The following USH2A variants were observed in gnomAD, a reference collection of about 807,000 sequenced individuals.
The protein encoded by USH2A is Usher syndrome 2A (autosomal recessive, mild).
A neutral mutation model predicts 538.9 loss-of-function variants in USH2A; 443 were observed. The ratio of observed to expected loss-of-function variants is 0.82; its 90% CI spans 0.76 to 0.89. The LOEUF (loss-of-function observed/expected upper bound fraction) is 0.89. USH2A is among the 40% of genes least tolerant of loss of function. USH2A has a pLI of 0.00. For missense variants in USH2A, 6,633 were observed against 6,324.8 expected (o/e 1.05, Z -1.65); for synonymous variants, 2,413 against 2,273.5 (o/e 1.06, Z -1.75).
At chr1:215,639,530 G>A (rs1656609471) in intron 68 of USH2A, among the ~76,000 whole-genome samples, 1 of 152,220 alleles carries the variant, frequency 6.6e-6, no homozygotes, top group South Asian at 2.1e-4. Context: ...AGCGCATCTT[G>A]TTCTGCACAC....
At position 216,190,379 on chromosome 1, in the gene USH2A, AAAAGAAAGAAAG is replaced by A. The variant is rs372388546; in HGVS notation, c.4252-24_4252-13del. On this transcript the variant is annotated splice_polypyrimidine_tract_variant and intron_variant, in intron 19 of 71. Transcript: ENST00000307340. ...GCAGTGTGCAACAGCTTCAAGGCAA[AAAAGAAAGAAAG>A]AAAGAAAGAAAGATAATAGGTAATC... is the stretch of plus-strand genomic sequence containing the variant. 4.4e-6 allele frequency: 7 copies of A among 1,609,030 alleles called. No individual in the cohort carries two copies. The highest frequency in any genetic ancestry group is 4.5e-5 in the East Asian group (2 of 44,704).
intron 38 of USH2A, among the ~76,000 whole-genome samples, chr1:215,901,657 C>T (rs930185070): frequency 6.6e-6 from 1 of 152,054 alleles, no homozygotes; most frequent in African/African-American, 2.4e-5. Context: ...GTACAATCTA[C>T]CAGGGAAATC....
chr1:215,734,255 G>A (rs1382571074), intron 60 of USH2A, among the ~76,000 whole-genome samples: 3 of 152,098 alleles, frequency 2.0e-5, no homozygotes, highest in African/African-American at 2.4e-5. Context: ...GAGGCCCTTC[G>A]AGCTGCAGCT....
chr1:216,188,434 A>G (rs2034650632), intron 20 of USH2A, among the ~76,000 whole-genome samples: 1 of 151,796 alleles, frequency 6.6e-6, no homozygotes, highest in South Asian at 2.1e-4. Context: ...TCTAGACACT[A>G]TTGCATATGA....
chr1:216,178,449 A>T (rs1206302182), intron 20 of USH2A, among the ~76,000 whole-genome samples: 1 of 152,152 alleles, frequency 6.6e-6, no homozygotes, highest in Non-Finnish European at 1.5e-5. Context: ...GTCTCTCTTC[A>T]GAGTTTAGAG....
chr1:216,416,209 C>T (rs2039574230), intron 3 of USH2A, among the ~76,000 whole-genome samples: 1 of 151,950 alleles, frequency 6.6e-6, no homozygotes, highest in Admixed American at 6.6e-5. Flanking sequence ...TTTCATAATA[C>T]CTTAAACATA....
At chr1:216,228,742 T>C (rs543823342) in intron 14 of USH2A, among the ~76,000 whole-genome samples, 80 of 151,900 alleles carry the variant, frequency 5.3e-4, no homozygotes, top group African/African-American at 1.8e-3. Context: ...AACGGACTAA[T>C]ACAGGGATGG....
At chr1:216,130,251 C>T (rs1181693589) in intron 21 of USH2A, among the ~76,000 whole-genome samples, 1 of 151,730 alleles carries the variant, frequency 6.6e-6, no homozygotes, top group Non-Finnish European at 1.5e-5. Context: ...TTTTGGTGCA[C>T]CCATCACCCA....
intron 4 of USH2A, among the ~76,000 whole-genome samples, chr1:216,344,741 C>T (rs967737030): frequency 6.6e-6 from 1 of 151,580 alleles, no homozygotes; most frequent in Admixed American, 6.6e-5. Context: ...TGGTTAAAGG[C>T]CCCTCTTAAT....
chr1:216,343,505 G>A (rs1198278940), intron 4 of USH2A, among the ~76,000 whole-genome samples: 3 of 144,130 alleles, frequency 2.1e-5, no homozygotes, highest in East Asian at 2.0e-4. Flanking sequence ...CAGCCTGGGC[G>A]ACAAAGCAAT....
intron 62 of USH2A, among the ~76,000 whole-genome samples, chr1:215,677,306 C>T (rs1369813766): frequency 3.3e-5 from 5 of 152,174 alleles, no homozygotes; most frequent in Admixed American, 2.6e-4. Flanking sequence ...TCATTATCTC[C>T]TACGTCACCA....
At chr1:215,645,162 AG>A (rs1163405550) in intron 67 of USH2A, among the ~76,000 whole-genome samples, 3 of 152,206 alleles carry the variant, frequency 2.0e-5, no homozygotes, top group African/African-American at 7.2e-5. Flanking sequence ...CAGAGAATAA[AG>A]GGAGAAATGG....
chr1:215,945,857 A>G (rs968319187), intron 37 of USH2A, among the ~76,000 whole-genome samples: 2 of 152,138 alleles, frequency 1.3e-5, no homozygotes, highest in Admixed American at 1.3e-4. Flanking sequence ...CAATTGGAGT[A>G]GCTCACCCAA....
Position 216,076,149 on chromosome 1 carries a change from A to G in USH2A, c.5572+1940T>C, listed in dbSNP as rs566997934. Among the ~76,000 whole-genome samples, 5 of 152,270 alleles carry G rather than the reference A, an allele frequency of 3.3e-5. No individual in the cohort carries two copies. In the South Asian group the frequency reaches 1.0e-3, roughly 32 times the overall value. On this transcript the variant is annotated intron_variant, in intron 27 of 71. Coordinates refer to ENST00000307340, the MANE Select transcript of USH2A (RefSeq NM_206933.4). ...ATCTTAGGGGACAGGGGTCCCTAAC[A>G]TCTGTATTTTTAATAACCATTCCAG...
chr1:216,355,307 A>AAAAGGAAG (rs2038363748), intron 4 of USH2A, among the ~76,000 whole-genome samples: 2 of 103,376 alleles, frequency 1.9e-5, no homozygotes, highest in African/African-American at 9.1e-5. Context: ...CTCTGCTTCA[A>AAAAGGAAG]AAAGAAAGAA....
In USH2A at chr1:216,078,132, T is replaced by C. The variant is rs1048762131; in HGVS notation, c.5529A>G (p.Pro1843=). 1.9e-6 allele frequency: 3 copies of C among 1,613,618 alleles called. No individual in the cohort carries two copies. Among genetic ancestry groups the C allele is most frequent in the Non-Finnish European group, 2.5e-6 (3 of 1,179,778 alleles). The change falls in exon 27 of 72, where the codon CCA becomes CCG. Residue 1843 remains proline, a synonymous_variant. Coordinates refer to ENST00000307340, the MANE Select transcript of USH2A (RefSeq NM_206933.4). ...GTTGATAAGAGTTCAGCAGTTCCTG[T>C]GGGATTCCTCCCACATAAACTGGTG... The part of the protein sequence containing the change: ...VNSPVYVGGI[P]QELLNSYQHL...
intron 55 of USH2A, among the ~76,000 whole-genome samples, chr1:215,771,347 G>A (rs1405805701): frequency 6.6e-6 from 1 of 151,550 alleles, no homozygotes; most frequent in African/African-American, 2.4e-5. Context: ...TTGGGAGGCC[G>A]AGGCGGGCGG....
intron 3 of USH2A, among the ~76,000 whole-genome samples, chr1:216,390,859 C>G (rs903686868): frequency 2.0e-5 from 3 of 152,140 alleles, no homozygotes; most frequent in Admixed American, 6.5e-5. Flanking sequence ...TTAATCATTA[C>G]TCGTCAGATT....
intron 44 of USH2A, among the ~76,000 whole-genome samples, chr1:215,861,808 T>C (rs1664321341): frequency 6.7e-6 from 1 of 149,152 alleles, no homozygotes; most frequent in Admixed American, 6.7e-5. Flanking sequence ...AAGAGGAGAA[T>C]GGATGCCATG....
Sources: gnomAD v4.1 joint callset for allele counts (sites outside exome capture counted in the v4.1 genomes callset) on GRCh38, gnomAD v4.1.1 for gene constraint, MANE v1.5 for transcripts, NCBI Gene and HGNC (gene_info 2026-07-23, HGNC 2026-07-21) for gene names.